Variants in CFAP74 observed in about 807,000 individuals in gnomAD.
The protein encoded by CFAP74 is cilia and flagella associated protein 74.
In CFAP74, 124 loss-of-function variants were observed where a neutral mutation model predicts 188.9. That is an observed-to-expected ratio of 0.66 (90% CI 0.57 to 0.76). CFAP74 has a LOEUF of 0.76. Among genes scored for constraint, CFAP74 ranks in the 30% least tolerant of loss-of-function variants. The pLI is 0.00. For synonymous variants in CFAP74, 956 were observed against 916.7 expected (o/e 1.04, Z -0.77); for missense variants, 2,198 against 2,165.2 (o/e 1.02, Z -0.30).
At chr1:1,944,570 T>C in intron 20 of CFAP74, 118 bp from the exon 21 acceptor site, 1 of 1,039,280 alleles carries the variant, frequency 9.6e-7, no homozygotes, top group South Asian at 1.5e-5. Context: ...TTCTAACTCT[T>C]TGGGACGGCT....
intron 22 of CFAP74, 146 bp downstream of exon 22, chr1:1,941,882 G>A (rs996510424): frequency 3.9e-5 from 33 of 849,236 alleles, no homozygotes; most frequent in Admixed American, 1.2e-4. Context: ...GCCCCCCAGC[G>A]TCATGGCCTC....
At chr1:2,002,574 G>A (rs1658259720) in intron 1 of CFAP74, among the ~76,000 whole-genome samples, 1 of 151,024 alleles carries the variant, frequency 6.6e-6, no homozygotes, top group African/African-American at 2.4e-5. Context: ...GGAGGCTGAG[G>A]CAGGAGAATC....
rs1653616830 is a variant in CFAP74, at chr1:1,944,503, GC to G, written c.2365-52del. 2.0e-6 allele frequency: 3 copies of G among 1,524,036 alleles called. No homozygotes were observed. The Admixed American group carries it at 5.9e-5, about 30-fold the overall frequency. 94.4% of individuals were successfully genotyped at this position (1,524,036 alleles called of 1,614,324 possible). ...AACAGGAGTTCCTTGGGCACAGCAG[GC>G]ATTGTTGGTGAGCACTGACACAGCT... On this transcript the variant is annotated intron_variant, in intron 20 of 38. Coordinates refer to ENST00000682832, the MANE Select transcript of CFAP74 (RefSeq NM_001304360.2).
At position 1,971,973 on chromosome 1, in the gene CFAP74, G is replaced by A. The variant is rs373596436; in HGVS notation, c.888+7C>T. The A allele has an allele frequency of 6.4e-5, 103 of 1,604,878 alleles. 1 individual carries two copies. In the African/African-American group the frequency reaches 1.2e-3, roughly 19 times the overall value. On this transcript the variant is annotated splice_region_variant and intron_variant, in intron 9 of 38. Transcript: ENST00000682832. ...GGGAGAGGCTGGGTGGGGCTGCGGG[G>A]GCCTACCCGGTTCGCGGAGATGCTG...
chr1:1,986,802 G>A lies in CFAP74; in HGVS notation c.395+135C>T, dbSNP rs566039926. On this transcript the variant is annotated intron_variant, in intron 5 of 38. Coordinates refer to ENST00000682832, the MANE Select transcript of CFAP74 (RefSeq NM_001304360.2). Reference sequence around the variant, plus strand: ...CGACCTCACATGCTTCTGCATGTTCGTGTTGTGGCCTCACACTGGGGCTCC... The same window carrying A: ...CGACCTCACATGCTTCTGCATGTTCATGTTGTGGCCTCACACTGGGGCTCC... 20 of 684,168 alleles carry A rather than the reference G, an allele frequency of 2.9e-5. 1 individual carries two copies. Among genetic ancestry groups the A allele is most frequent in the African/African-American group, 1.8e-4 (10 of 56,376 alleles). The allele number at this position is 684,168 out of a possible 1,614,324, so 42.4% of individuals were successfully genotyped here.
intron 11 of CFAP74, among the ~76,000 whole-genome samples, chr1:1,967,968 A>G (rs796069461): frequency 3.5e-4 from 51 of 147,154 alleles, no homozygotes; most frequent in African/African-American, 1.2e-3. Context: ...TGAGTGAATG[A>G]GTGAATGAGT....
rs1410929111 is a variant in CFAP74, at chr1:1,922,134, A to T, written c.*153T>A. 3.3e-6 allele frequency: 2 copies of T among 608,800 alleles called. No homozygotes were observed. Among genetic ancestry groups the T allele is most frequent in the Non-Finnish European group, 5.8e-6 (2 of 346,228 alleles). The allele number at this position is 608,800 out of a possible 1,614,324, so 37.7% of individuals were successfully genotyped here. ...CTGGGCTTGCGGGGTCCAGGGCAGC[A>T]GGAAGTGGCCGTGGCGCCATGTGGA... On this transcript the variant is annotated 3_prime_UTR_variant, in exon 39 of 39. Transcript: ENST00000682832.
At chr1:1,945,113 C>T (rs548659116) in intron 20 of CFAP74, among the ~76,000 whole-genome samples, 4 of 152,142 alleles carry the variant, frequency 2.6e-5, no homozygotes, top group African/African-American at 9.6e-5. Context: ...TGAGACCAGC[C>T]TGGGCAGTGT....
At chr1:1,928,001 G>T in intron 27 of CFAP74, 1 of 510,118 alleles carries the variant, frequency 2.0e-6, no homozygotes, top group Non-Finnish European at 3.5e-6. Context: ...TGAGGAGGCG[G>T]CCAGAACCGG....
chr1:1,988,971 T>C lies in CFAP74; in HGVS notation c.70A>G (p.Arg24Gly). 6.7e-7 allele frequency: 1 copy of C among 1,497,958 alleles called. No individual in the cohort carries two copies. The highest frequency in any genetic ancestry group is 9.2e-7 in the Non-Finnish European group (1 of 1,092,106). The allele number at this position is 1,497,958 out of a possible 1,614,324, so 92.8% of individuals were successfully genotyped here. ...LADALLLEDE[R>G]DELEDPEFDI... Reference sequence around the variant, plus strand: ...AACTCCGGATCCTCTAATTCATCTCTTTCTAGAAATCAAGGCAAGAGTTTA... The same window carrying C: ...AACTCCGGATCCTCTAATTCATCTCCTTCTAGAAATCAAGGCAAGAGTTTA... The change falls in exon 3 of 39, where the codon AGA becomes GGA. Residue 24 changes from arginine (R) to glycine (G), a missense_variant and splice_region_variant. By Grantham distance (125) the Arg-to-Gly change is moderately radical. Coordinates refer to ENST00000682832, the MANE Select transcript of CFAP74 (RefSeq NM_001304360.2).
chr1:1,945,373 C>A (rs947080432), intron 20 of CFAP74, among the ~76,000 whole-genome samples: 3 of 152,122 alleles, frequency 2.0e-5, no homozygotes, highest in African/African-American at 7.2e-5. Flanking sequence ...TGCAGCAGCC[C>A]AGCACGAAGC....
At chr1:1,972,820 C>T (rs1285055852) in intron 8 of CFAP74, 117 bp downstream of exon 8, 23 of 771,890 alleles carry the variant, frequency 3.0e-5, no homozygotes, top group East Asian at 1.9e-4. Flanking sequence ...CCAGCCTGGG[C>T]GACAGAGCAA....
intron 6 of CFAP74, among the ~76,000 whole-genome samples, chr1:1,981,788 G>A (rs374116304): frequency 2.6e-5 from 2 of 77,706 alleles, no homozygotes; most frequent in South Asian, 4.0e-4. Context: ...ACACCCAGCC[G>A]CGGTCACACG....
intron 4 of CFAP74, among the ~76,000 whole-genome samples, 198 bp from the exon 5 acceptor site, chr1:1,987,233 C>T (rs1156487933): frequency 6.6e-6 from 1 of 152,228 alleles, no homozygotes; most frequent in African/African-American, 2.4e-5. Context: ...TGCCCAGGGG[C>T]AGCTGTGTGG....
chr1:1,974,019 G>C lies in CFAP74; in HGVS notation c.674+6C>G. The stretch of plus-strand genomic sequence containing the variant: ...AGGGATGGAGGTGGGCCTGGGTGTC[G>C]CCTACCTGATCCTCAGCAGTCGGTT... On this transcript the variant is annotated splice_donor_region_variant and intron_variant, in intron 7 of 38. Coordinates refer to ENST00000682832, the MANE Select transcript of CFAP74 (RefSeq NM_001304360.2). 1.3e-6 allele frequency: 2 copies of C among 1,553,538 alleles called. No homozygotes were observed. Among genetic ancestry groups the C allele is most frequent in the Non-Finnish European group, 1.7e-6 (2 of 1,144,472 alleles).
chr1:1,963,918 T>C lies in CFAP74; in HGVS notation c.1576-51A>G, dbSNP rs752790527. Reference sequence around the variant, plus strand: ...CAGAGCGGGTCACAGGGGGCTGTGCTGTGAGCACCGAGGCAGCTTTGCCTC... The same window carrying C: ...CAGAGCGGGTCACAGGGGGCTGTGCCGTGAGCACCGAGGCAGCTTTGCCTC... On this transcript the variant is annotated intron_variant, in intron 13 of 38. Transcript: ENST00000682832. 11 of 1,209,126 alleles carry C rather than the reference T, an allele frequency of 9.1e-6. No homozygotes were observed. In the East Asian group the frequency reaches 2.1e-4, roughly 23 times the overall value. 74.9% of individuals were successfully genotyped at this position (1,209,126 alleles called of 1,614,324 possible).
chr1:1,922,556 GGGCTCCCT>G, intron 38 of CFAP74, 25 bp downstream of exon 38: 3 of 1,605,238 alleles, frequency 1.9e-6, no homozygotes, highest in Non-Finnish European at 2.5e-6. Context: ...GGCGTTCCCA[GGGCTCCCT>G]GGCCTGGAGC....
At chr1:1,935,573 T>G (rs78425275) in intron 25 of CFAP74, among the ~76,000 whole-genome samples, 18 of 31,972 alleles carry the variant, frequency 5.6e-4, no homozygotes, top group South Asian at 1.3e-3. Context: ...TGTACGTGTG[T>G]GTGTTAGGTT....
chr1:1,938,953 C>G lies in CFAP74; in HGVS notation c.2913G>C (p.Thr971=). The stretch of plus-strand genomic sequence containing the variant: ...ACTGCAGCGTTTCCAGGGGCAGGAT[C>G]GTCCCAAACCCATCGTTGGGTTGGA... The part of the protein sequence containing the change: ...VDVQPNDGFG[T]ILPLETLQFC... The change falls in exon 25 of 39, where the codon ACG becomes ACC. Residue 971 remains threonine, a synonymous_variant. Coordinates refer to ENST00000682832, the MANE Select transcript of CFAP74 (RefSeq NM_001304360.2). 2 of 1,536,140 alleles carry G rather than the reference C, an allele frequency of 1.3e-6. No homozygotes were observed. The highest frequency in any genetic ancestry group is 1.7e-6 in the Non-Finnish European group (2 of 1,146,908).
Sources: allele counts gnomAD v4.1 joint callset (sites outside exome capture counted in the v4.1 genomes callset), GRCh38; gene constraint gnomAD v4.1.1; transcripts MANE v1.5; gene names NCBI Gene and HGNC (gene_info 2026-07-23, HGNC 2026-07-21).